UCHL5: variants seen among roughly 807,000 people sequenced by gnomAD.
The protein encoded by UCHL5 is ubiquitin C-terminal hydrolase L5, also known as ubiquitin carboxyl-terminal hydrolase isozyme L5.
A neutral mutation model predicts 53.8 loss-of-function variants in UCHL5; 34 were observed. The observed-to-expected ratio is 0.63, with a 90% confidence interval of 0.48 to 0.84. UCHL5 has a LOEUF of 0.84. Ranked by LOEUF, UCHL5 falls within the 40% of genes least tolerant of loss-of-function variation. The probability of loss-of-function intolerance (pLI) is 0.00; values close to 1 mark genes in which losing one functional copy is unlikely to be tolerated. For synonymous variants in UCHL5, 111 were observed against 126.3 expected (o/e 0.88, Z 0.81); for missense variants, 290 against 385.6 (o/e 0.75, Z 2.08).
intron 7 of UCHL5, among the ~76,000 whole-genome samples, chr1:193,025,534 AC>A (rs1383185930): frequency 2.6e-5 from 4 of 152,104 alleles, no homozygotes; most frequent in Non-Finnish European, 5.9e-5. Flanking sequence ...AGGCACTCCT[AC>A]CCCTCTCAGC....
intron 3 of UCHL5, among the ~76,000 whole-genome samples, chr1:193,048,447 A>G (rs963423130): frequency 3.9e-5 from 6 of 152,250 alleles, no homozygotes; most frequent in South Asian, 2.1e-4. Context: ...ACAATGTTAC[A>G]AAATCATACA....
chr1:193,024,375 A>G (rs1431504759), intron 7 of UCHL5, among the ~76,000 whole-genome samples: 2 of 151,664 alleles, frequency 1.3e-5, no homozygotes, highest in African/African-American at 4.8e-5. Context: ...GAAATAAAAA[A>G]CATTTTCATC....
At chr1:193,036,009 A>C (rs2102574970) in intron 3 of UCHL5, among the ~76,000 whole-genome samples, 1 of 152,162 alleles carries the variant, frequency 6.6e-6, no homozygotes, top group South Asian at 2.1e-4. Context: ...TAAAAATAAA[A>C]AACAACAAAT....
At chr1:193,048,219 G>C (rs942878609) in intron 3 of UCHL5, among the ~76,000 whole-genome samples, 1 of 152,178 alleles carries the variant, frequency 6.6e-6, no homozygotes, top group African/African-American at 2.4e-5. Flanking sequence ...TCTTAAAAAT[G>C]AGTTAAATCA....
At chr1:193,044,565 C>T (rs1463798565) in intron 3 of UCHL5, among the ~76,000 whole-genome samples, 1 of 152,030 alleles carries the variant, frequency 6.6e-6, no homozygotes, top group Non-Finnish European at 1.5e-5. Context: ...ACACGCAACC[C>T]CCTTGAATTA....
intron 3 of UCHL5, among the ~76,000 whole-genome samples, chr1:193,045,416 G>A (rs1012679166): frequency 2.0e-5 from 3 of 152,162 alleles, no homozygotes; most frequent in Non-Finnish European, 4.4e-5. Flanking sequence ...CCATCCCCTT[G>A]GTGTTAAGTG....
intron 3 of UCHL5, among the ~76,000 whole-genome samples, chr1:193,048,647 C>CT (rs889133550): frequency 2.4e-4 from 36 of 152,264 alleles, no homozygotes; most frequent in African/African-American, 8.4e-4. Flanking sequence ...TGAGACAGAA[C>CT]TTTTTTTATT....
chr1:193,039,047 T>C (rs1388972032), intron 3 of UCHL5, among the ~76,000 whole-genome samples: 1 of 152,182 alleles, frequency 6.6e-6, no homozygotes, highest in African/African-American at 2.4e-5. Flanking sequence ...CTATTATATA[T>C]GCCAACAGTG....
rs185520390 is a variant in UCHL5, at chr1:193,023,030, T to C, written c.739A>G (p.Met247Val). The change falls in exon 9 of 11, where the codon ATG becomes GTG. Residue 247 changes from methionine to valine, a missense_variant. Coordinates refer to ENST00000367454, the MANE Select transcript of UCHL5 (RefSeq NM_001199261.3). ...ATACTATTACCTTGATCTGTATCCATGGGTTCCTCCTTGGGGGAAGGAAAA... is the reference window on the plus strand; with the variant it reads ...ATACTATTACCTTGATCTGTATCCACGGGTTCCTCCTTGGGGGAAGGAAAA... ...ELQRQLAEEPMDTDQGNSMLS... is the reference protein window; with the variant it reads ...ELQRQLAEEPVDTDQGNSMLS... 3.1e-6 allele frequency: 5 copies of C among 1,610,712 alleles called. No homozygotes were observed. The highest frequency in any genetic ancestry group is 1.7e-5 in the Admixed American group (1 of 59,826).
chr1:193,048,025 T>A (rs577741942), intron 3 of UCHL5, among the ~76,000 whole-genome samples: 1 of 152,184 alleles, frequency 6.6e-6, no homozygotes. Context: ...TGGAATGAAA[T>A]AGGAAGTACA....
At chr1:193,054,095 A>C (rs980297219) in intron 1 of UCHL5, among the ~76,000 whole-genome samples, 1 of 152,200 alleles carries the variant, frequency 6.6e-6, no homozygotes, top group Non-Finnish European at 1.5e-5. Context: ...TTGTCATCTA[A>C]ACCAGAACCC....
At chr1:193,039,325 G>GCTGC (rs1233899466) in intron 3 of UCHL5, among the ~76,000 whole-genome samples, 1 of 152,090 alleles carries the variant, frequency 6.6e-6, no homozygotes, top group Non-Finnish European at 1.5e-5. Flanking sequence ...CACAAGAATA[G>GCTGC]CTTGAACCTG....
rs373981418 is a variant in UCHL5 at position 193,012,750 on chromosome 1, T to C, written c.*3601A>G. On this transcript the variant is annotated 3_prime_UTR_variant, in exon 11 of 11. Transcript: ENST00000367454. ...CTATTTGAAAAGTTGTATTACATAC[T>C]TATTATCTGTCTCACCATGAGAGCA... is the stretch of plus-strand genomic sequence containing the variant. The C allele has an allele frequency of 1.5e-4, 23 of 152,210 alleles. No homozygotes were observed. Among genetic ancestry groups the C allele is most frequent in the African/African-American group, 5.5e-4 (23 of 41,466 alleles). The allele number at this position is 152,210 out of a possible 1,614,324, so 9.4% of individuals were successfully genotyped here. A position where few individuals can be genotyped will look rare whatever the true frequency, so the allele number is the denominator to read the frequency against.
At position 193,053,419 on chromosome 1, in the gene UCHL5, T is replaced by A. The variant is rs550120298; in HGVS notation, c.77-1602A>T. On this transcript the variant is annotated intron_variant, in intron 1 of 10. Transcript: ENST00000367454. ...TCAAGTAGCGACACTGCTTAAACAA[T>A]CTCACATTAAACACAAACACATCTG... Among the ~76,000 whole-genome samples, 8 of 152,210 alleles carry A rather than the reference T, an allele frequency of 5.3e-5. 1 individual carries two copies. The highest frequency in any genetic ancestry group is 1.2e-4 in the Non-Finnish European group (8 of 68,024).
intron 2 of UCHL5, among the ~76,000 whole-genome samples, chr1:193,050,509 G>A (rs1281990465): frequency 6.6e-6 from 1 of 152,076 alleles, no homozygotes; most frequent in Admixed American, 6.5e-5. Context: ...AAGGTAGGTA[G>A]ATTACTTGAG....
At chr1:193,059,831 G>A (rs1373393387), upstream of UCHL5, 2 of 1,358,398 alleles carry the variant, frequency 1.5e-6, no homozygotes, top group Non-Finnish European at 2.0e-6. This position sits in a 1 kb window ranked among gnomAD's most constrained non-coding sequence, Gnocchi z 4.9. Context: ...CCAGGGACGC[G>A]CAAATTCTGA....
chr1:193,020,848 T>C lies in UCHL5; in HGVS notation c.942+249A>G, dbSNP rs140789873. 2.0e-3 allele frequency among the ~76,000 whole-genome samples: 308 copies of C among 152,082 alleles called. 1 individual carries two copies. Among genetic ancestry groups the C allele is most frequent in the African/African-American group, 6.4e-3 (268 of 41,562 alleles). The stretch of plus-strand genomic sequence containing the variant: ...GGAAGTGTTTTAAATTTTATTTTAA[T>C]ACAGCATAACCTGAGGTCTTGACAC... On this transcript the variant is annotated intron_variant, in intron 10 of 10. Transcript: ENST00000367454.
At chr1:193,033,410 G>C (rs537767057) in intron 3 of UCHL5, among the ~76,000 whole-genome samples, 7 of 152,186 alleles carry the variant, frequency 4.6e-5, no homozygotes, top group Non-Finnish European at 8.8e-5. Flanking sequence ...ATAGCATTAG[G>C]AGAAATACCT....
At chr1:193,030,978 A>C (rs1661161049) in intron 3 of UCHL5, among the ~76,000 whole-genome samples, 1 of 152,182 alleles carries the variant, frequency 6.6e-6, no homozygotes, top group Non-Finnish European at 1.5e-5. Context: ...TCTTCTCTTT[A>C]AGCATTTTGT....
Sources: allele counts gnomAD v4.1 joint callset (sites outside exome capture counted in the v4.1 genomes callset), GRCh38; gene constraint gnomAD v4.1.1; non-coding constraint Gnocchi (gnomAD v3.1); transcripts MANE v1.5; gene names NCBI Gene and HGNC (gene_info 2026-07-23, HGNC 2026-07-21).